The following MAD1L1 variants were observed in gnomAD, a reference collection of about 807,000 sequenced individuals.
MAD1L1 encodes the protein mitotic spindle assembly checkpoint protein MAD1.
A neutral mutation model predicts 96.9 loss-of-function variants in MAD1L1; 95 were observed. The ratio of observed to expected loss-of-function variants is 0.98; its 90% CI spans 0.83 to 1.16. The LOEUF (loss-of-function observed/expected upper bound fraction) is 1.16. MAD1L1 is among the 50% of genes most tolerant of loss of function. The pLI, the probability that MAD1L1 is intolerant of heterozygous loss-of-function variation, is 0.00. For synonymous variants in MAD1L1, 473 were observed against 396.6 expected (o/e 1.19, Z -2.29); for missense variants, 1,007 against 954.4 (o/e 1.06, Z -0.73).
chr7:2,135,116 G>A (rs545974995), intron 11 of MAD1L1, among the ~76,000 whole-genome samples: 6 of 152,326 alleles, frequency 3.9e-5, no homozygotes, highest in East Asian at 1.9e-4. Flanking sequence ...GACTAGCCAC[G>A]AAAGGTGTGA....
intron 12 of MAD1L1, among the ~76,000 whole-genome samples, chr7:2,028,476 C>T (rs919038416): frequency 3.3e-5 from 5 of 150,750 alleles, no homozygotes; most frequent in South Asian, 4.2e-4. Flanking sequence ...GCATATAGTA[C>T]GTCCATGGAT....
At chr7:1,928,403 C>T (rs1036881080) in intron 17 of MAD1L1, among the ~76,000 whole-genome samples, 2 of 151,526 alleles carry the variant, frequency 1.3e-5, no homozygotes, top group Admixed American at 6.6e-5. Context: ...GAGGAGCCCA[C>T]GACAGAATTG....
At chr7:2,190,615 C>G (rs766578357) in intron 10 of MAD1L1, among the ~76,000 whole-genome samples, 5 of 152,170 alleles carry the variant, frequency 3.3e-5, no homozygotes, top group African/African-American at 9.7e-5. Flanking sequence ...CAGAAGATGA[C>G]AGTCCAATTA....
intron 12 of MAD1L1, among the ~76,000 whole-genome samples, chr7:2,019,827 C>A (rs1446266837): frequency 6.6e-6 from 1 of 152,254 alleles, no homozygotes; most frequent in Admixed American, 6.5e-5. Flanking sequence ...CCCTGGCCCC[C>A]ACAACCAACT....
chr7:1,882,186 T>A (rs1482314431), intron 18 of MAD1L1, among the ~76,000 whole-genome samples: 1 of 152,168 alleles, frequency 6.6e-6, no homozygotes, highest in African/African-American at 2.4e-5. Flanking sequence ...TACCCCACCC[T>A]GGGCTGGATG....
At chr7:2,057,022 C>T (rs1198092286) in intron 12 of MAD1L1, among the ~76,000 whole-genome samples, 3 of 152,212 alleles carry the variant, frequency 2.0e-5, no homozygotes, top group East Asian at 1.9e-4. Context: ...TCAGCAAGGG[C>T]GCCTGTTCAC....
In MAD1L1 at chr7:2,082,627, G is replaced by A. The variant is rs549356851; in HGVS notation, c.1074-13289C>T. Among the ~76,000 whole-genome samples the A allele has an allele frequency of 2.6e-5, 4 of 152,306 alleles. No homozygotes were observed. In the South Asian group the frequency reaches 8.3e-4, roughly 32 times the overall value. On this transcript the variant is annotated intron_variant, in intron 11 of 18. Coordinates refer to ENST00000265854, the MANE Select transcript of MAD1L1 (RefSeq NM_001013836.2). ...AGGAGATTGAGCTCTGAGGATCAAG[G>A]GGCTCACATACCCCGTTTAACTGAG...
At chr7:2,182,369 C>A (rs142618862) in intron 10 of MAD1L1, among the ~76,000 whole-genome samples, 8 of 151,594 alleles carry the variant, frequency 5.3e-5, no homozygotes, top group Admixed American at 1.3e-4. Flanking sequence ...TCAGAGAAAC[C>A]GGAATCTTCA....
intron 10 of MAD1L1, among the ~76,000 whole-genome samples, chr7:2,156,795 T>C (rs1789870577): frequency 7.2e-6 from 1 of 138,716 alleles, no homozygotes; most frequent in Admixed American, 7.8e-5. Flanking sequence ...CCCTCCAGCC[T>C]GCGCAACAAG....
At chr7:2,230,448 C>T (rs916211420) in intron 2 of MAD1L1, 101 bp downstream of exon 2, 14 of 306,318 alleles carry the variant, frequency 4.6e-5, no homozygotes, top group Admixed American at 8.2e-5. Context: ...TCAGGTGGCA[C>T]GTCCCCCAAC....
chr7:1,894,461 C>T (rs973219737), intron 18 of MAD1L1, among the ~76,000 whole-genome samples: 2 of 152,124 alleles, frequency 1.3e-5, no homozygotes, highest in African/African-American at 2.4e-5. Flanking sequence ...ACAGGGATCC[C>T]GGTGCAACAT....
chr7:1,986,268 C>T (rs1340961460), intron 14 of MAD1L1, among the ~76,000 whole-genome samples: 1 of 152,018 alleles, frequency 6.6e-6, no homozygotes, highest in Non-Finnish European at 1.5e-5. Context: ...GCTTCAAGTA[C>T]GTGTGATGCA....
chr7:2,009,654 C>T (rs980248833), intron 13 of MAD1L1, among the ~76,000 whole-genome samples: 2 of 152,180 alleles, frequency 1.3e-5, no homozygotes, highest in Admixed American at 1.3e-4. Flanking sequence ...CCACAGAGCA[C>T]ACAACAGGCA....
chr7:1,889,872 C>T (rs1786429587), intron 18 of MAD1L1, among the ~76,000 whole-genome samples: 1 of 152,230 alleles, frequency 6.6e-6, no homozygotes, highest in Admixed American at 6.5e-5. Flanking sequence ...CCATGAGACT[C>T]CAAAGCTCAG....
At chr7:2,037,202 CTCT>C (rs905555272) in intron 12 of MAD1L1, among the ~76,000 whole-genome samples, 8 of 148,832 alleles carry the variant, frequency 5.4e-5, no homozygotes, top group South Asian at 2.1e-4. Context: ...TCTTAATAGA[CTCT>C]TCTTTTTTTT....
intron 11 of MAD1L1, among the ~76,000 whole-genome samples, chr7:2,113,980 A>G (rs117870274): frequency 6.6e-6 from 1 of 152,212 alleles, no homozygotes; most frequent in Non-Finnish European, 1.5e-5. Context: ...TGGGGATCCC[A>G]GGCCAGATCC....
At chr7:2,021,344 C>T (rs1782779266) in intron 12 of MAD1L1, among the ~76,000 whole-genome samples, 1 of 152,156 alleles carries the variant, frequency 6.6e-6, no homozygotes, top group African/African-American at 2.4e-5. Context: ...AGAAATGCAT[C>T]AGACCTCCTG....
At chr7:2,025,431 C>T (rs1285840326) in intron 12 of MAD1L1, among the ~76,000 whole-genome samples, 3 of 152,112 alleles carry the variant, frequency 2.0e-5, no homozygotes, top group African/African-American at 7.2e-5. Flanking sequence ...GCATTGATAA[C>T]CTATGATTTT....
In MAD1L1 at chr7:2,103,715, C is replaced by T. The variant is rs1786939461; in HGVS notation, c.1074-34377G>A. Among the ~76,000 whole-genome samples, 1 of 152,294 alleles carries T rather than the reference C, an allele frequency of 6.6e-6. No homozygotes were observed. The highest frequency in any genetic ancestry group is 3.4e-3 in the Middle Eastern group (1 of 294). On this transcript the variant is annotated intron_variant, in intron 11 of 18. Transcript: ENST00000265854. The surrounding 1 kb of genome is among the most constrained non-coding windows in gnomAD (Gnocchi z 4.3). ...GCCAGGGAGGCGGCTACTCAGAGGG[C>T]AGGTGCTGTCCTCCTCCCTGCCCAG...
Sources: gnomAD v4.1 joint callset for allele counts (sites outside exome capture counted in the v4.1 genomes callset) on GRCh38, gnomAD v4.1.1 for gene constraint, Gnocchi (gnomAD v3.1) non-coding constraint, MANE v1.5 for transcripts, NCBI Gene and HGNC (gene_info 2026-07-23, HGNC 2026-07-21) for gene names.